The following FAF1 variants were observed in gnomAD, a reference collection of about 807,000 sequenced individuals.
FAF1 encodes Fas associated factor 1.
A neutral mutation model predicts 92.5 loss-of-function variants in FAF1; 25 were observed. The observed-to-expected ratio is 0.27, with a 90% confidence interval of 0.20 to 0.38. FAF1 has a LOEUF of 0.38. FAF1 is among the 10% of genes least tolerant of loss of function. The pLI is 1.00. For synonymous variants in FAF1, 234 were observed against 273.2 expected, an observed-to-expected ratio of 0.86 and a Z score of 1.42; for missense variants, 636 against 793.3, an observed-to-expected ratio of 0.80 and a Z score of 2.38.
chr1:50,917,033 G>A (rs1046772682), intron 1 of FAF1, among the ~76,000 whole-genome samples: 3 of 152,084 alleles, frequency 2.0e-5, no homozygotes, highest in African/African-American at 7.2e-5. Context: ...CACCCTAAGA[G>A]AATCAGCTAT....
At chr1:50,851,404 C>T (rs929883806) in intron 2 of FAF1, among the ~76,000 whole-genome samples, 13 of 152,266 alleles carry the variant, frequency 8.5e-5, no homozygotes, top group Admixed American at 4.6e-4. Context: ...ATATCCAAGT[C>T]GTTAAGCAGC....
At chr1:50,627,892 G>A (rs1653584030) in intron 8 of FAF1, among the ~76,000 whole-genome samples, 1 of 151,954 alleles carries the variant, frequency 6.6e-6, no homozygotes, top group Non-Finnish European at 1.5e-5. Context: ...AAGTCTACTT[G>A]ATTTAGCAAC....
intron 18 of FAF1, chr1:50,451,969 G>T (rs1350678544): frequency 1.9e-5 from 22 of 1,166,972 alleles, no homozygotes; most frequent in African/African-American, 3.2e-5. Flanking sequence ...CCTTCTCCTT[G>T]CAGTGGTATC....
intron 8 of FAF1, among the ~76,000 whole-genome samples, chr1:50,644,564 C>T (rs1209408537): frequency 6.6e-6 from 1 of 152,220 alleles, no homozygotes; most frequent in Non-Finnish European, 1.5e-5. Context: ...CCTCCCAAAA[C>T]TCCAATCTCT....
chr1:50,609,341 G>C (rs1166375117), intron 8 of FAF1, among the ~76,000 whole-genome samples: 1 of 152,050 alleles, frequency 6.6e-6, no homozygotes, highest in East Asian at 1.9e-4. Flanking sequence ...ACCCAGGGTC[G>C]ATCACAGACC....
At position 50,439,594 on chromosome 1, in the gene FAF1, A is replaced by G. The variant is rs1323081993; in HGVS notation, c.*1846T>C. ...TTAAACATGAAGGTGAATTCAGAGTACCTTCCCTCAAACCCCACCCACACC... is the reference window on the plus strand; with the variant it reads ...TTAAACATGAAGGTGAATTCAGAGTGCCTTCCCTCAAACCCCACCCACACC... On this transcript the variant is annotated 3_prime_UTR_variant, in exon 19 of 19. Coordinates refer to ENST00000396153, the MANE Select transcript of FAF1 (RefSeq NM_007051.3). The G allele has an allele frequency of 6.6e-6, 1 of 152,156 alleles. No homozygotes were observed. The highest frequency in any genetic ancestry group is 1.5e-5 in the Non-Finnish European group (1 of 68,024). The allele number at this position is 152,156 out of a possible 1,614,324, so 9.4% of individuals were successfully genotyped here.
intron 2 of FAF1, among the ~76,000 whole-genome samples, chr1:50,840,549 T>C (rs1249083929): frequency 1.1e-4 from 16 of 152,028 alleles, no homozygotes. Flanking sequence ...CTGCTAAAGG[T>C]ATTAAATACA....
At chr1:50,836,288 A>G (rs79184820) in intron 2 of FAF1, among the ~76,000 whole-genome samples, 2,699 of 149,146 alleles carry the variant, frequency 0.018, 32 homozygotes, top group Non-Finnish European at 0.026. Flanking sequence ...CTCCCACCTC[A>G]GCCTCCCAAA....
intron 1 of FAF1, among the ~76,000 whole-genome samples, chr1:50,942,680 A>T (rs1645142899): frequency 6.6e-6 from 1 of 151,868 alleles, no homozygotes; most frequent in Non-Finnish European, 1.5e-5. Flanking sequence ...AAGATACAGG[A>T]CTCCTAAGAC....
chr1:50,635,005 G>T (rs895956165), intron 8 of FAF1, among the ~76,000 whole-genome samples: 1 of 152,118 alleles, frequency 6.6e-6, no homozygotes, highest in Admixed American at 6.5e-5. Context: ...GCTCAGATAA[G>T]ATCATGTACA....
At chr1:50,630,898 G>A (rs965642644) in intron 8 of FAF1, among the ~76,000 whole-genome samples, 4 of 137,902 alleles carry the variant, frequency 2.9e-5, no homozygotes, top group African/African-American at 8.4e-5. Flanking sequence ...GCACGATCCC[G>A]GTTCAAGCAA....
At position 50,721,152 on chromosome 1, in the gene FAF1, C is replaced by T. The variant is rs186630166; in HGVS notation, c.552-15261G>A. Among the ~76,000 whole-genome samples, 322 of 152,028 alleles carry T rather than the reference C, an allele frequency of 2.1e-3. 2 individuals carry two copies. The highest frequency in any genetic ancestry group is 6.8e-3 in the Middle Eastern group (2 of 294). ...TCATGAAAATAACAAAAAGTTGTTT[C>T]GTAAAGCACTTTGGGAAATTTTTTT... On this transcript the variant is annotated intron_variant, in intron 6 of 18. Transcript: ENST00000396153.
chr1:50,844,542 A>G (rs559584510), intron 2 of FAF1, among the ~76,000 whole-genome samples: 52 of 151,014 alleles, frequency 3.4e-4, no homozygotes, highest in South Asian at 1.1e-3. Context: ...ACTGTTTGTC[A>G]TATCTAGTAT....
At position 50,756,526 on chromosome 1, in the gene FAF1, C is replaced by A. The variant is rs184223295; in HGVS notation, c.368-11751G>T. On this transcript the variant is annotated intron_variant, in intron 4 of 18. Coordinates refer to ENST00000396153, the MANE Select transcript of FAF1 (RefSeq NM_007051.3). ...GCCCTCCAAACTATTCCAAACTCTG[C>A]GTGTTACCCAGTTCCAAAGTCACTT... is the stretch of plus-strand genomic sequence containing the variant. Among the ~76,000 whole-genome samples, 4 of 152,312 alleles carry A rather than the reference C, an allele frequency of 2.6e-5. No homozygotes were observed. The East Asian group carries it at 7.7e-4, about 29-fold the overall frequency.
intron 1 of FAF1, among the ~76,000 whole-genome samples, chr1:50,885,018 AG>A (rs1379704743): frequency 6.6e-6 from 1 of 152,144 alleles, no homozygotes; most frequent in Non-Finnish European, 1.5e-5. Flanking sequence ...TTATTTGTCT[AG>A]AAAATTACTT....
chr1:50,905,983 G>A lies in FAF1; in HGVS notation c.46-47986C>T, dbSNP rs571688876. Among the ~76,000 whole-genome samples the A allele has an allele frequency of 4.6e-5, 7 of 152,250 alleles. No homozygotes were observed. The East Asian group carries it at 1.4e-3, about 29-fold the overall frequency. On this transcript the variant is annotated intron_variant, in intron 1 of 18. Transcript: ENST00000396153. ...CTAAGTCCTGAATGGTATTGCCTAC[G>A]TTTTCTTCTAGGGTTTTTATGGTTT...
At chr1:50,482,082 T>C (rs964177089) in intron 17 of FAF1, among the ~76,000 whole-genome samples, 8 of 152,220 alleles carry the variant, frequency 5.3e-5, no homozygotes, top group Non-Finnish European at 8.8e-5. Context: ...AATGCATATA[T>C]TTGCATAAGT....
chr1:50,644,307 C>T (rs1207145978), intron 8 of FAF1, among the ~76,000 whole-genome samples: 1 of 152,236 alleles, frequency 6.6e-6, no homozygotes, highest in Non-Finnish European at 1.5e-5. Context: ...ACTGAGGTGT[C>T]TCTACAATGT....
chr1:50,650,082 C>A (rs572017498), intron 8 of FAF1, among the ~76,000 whole-genome samples: 1 of 148,502 alleles, frequency 6.7e-6, no homozygotes, highest in Non-Finnish European at 1.5e-5. Flanking sequence ...GTCGGGAGTT[C>A]GAGACCAGCC....
Sources: gnomAD v4.1 joint callset for allele counts (sites outside exome capture counted in the v4.1 genomes callset) on GRCh38, gnomAD v4.1.1 for gene constraint, MANE v1.5 for transcripts, NCBI Gene and HGNC (gene_info 2026-07-23, HGNC 2026-07-21) for gene names.